Variants in SEMA3A observed in about 807,000 individuals in gnomAD.
SEMA3A encodes semaphorin 3A, also known as semaphorin-3A.
A neutral mutation model predicts 97.9 loss-of-function variants in SEMA3A; 29 were observed. The observed-to-expected ratio is 0.30, with a 90% CI of 0.22 to 0.40. The LOEUF (loss-of-function observed/expected upper bound fraction) is 0.40. Among genes scored for constraint, SEMA3A ranks in the 10% least tolerant of loss-of-function variants. The pLI is 1.00. For synonymous variants in SEMA3A, 321 were observed against 323.7 expected (o/e 0.99, Z 0.09); for missense variants, 763 against 951.3 (o/e 0.80, Z 2.60).
At chr7:84,283,300 C>T (rs777424459) in intron 3 of SEMA3A, among the ~76,000 whole-genome samples, 1 of 152,014 alleles carries the variant, frequency 6.6e-6, no homozygotes, top group Admixed American at 6.6e-5. Context: ...CATCAATACA[C>T]GCGTGTGTTA....
At chr7:84,005,243 G>A in intron 11 of SEMA3A, 96 bp downstream of exon 11, 1 of 861,436 alleles carries the variant, frequency 1.2e-6, no homozygotes, top group Non-Finnish European at 1.9e-6. Context: ...CTGCACAGAG[G>A]GTTGGCATCC....
chr7:84,086,666 T>C (rs1352805860), intron 4 of SEMA3A, among the ~76,000 whole-genome samples: 1 of 146,530 alleles, frequency 6.8e-6, no homozygotes, highest in Non-Finnish European at 1.5e-5. Context: ...ACAACTCATA[T>C]ATATGTATAT....
chr7:84,371,070 T>C (rs1802962951), intron 2 of SEMA3A, among the ~76,000 whole-genome samples: 1 of 151,718 alleles, frequency 6.6e-6, no homozygotes. Context: ...CATATATACA[T>C]GGATGTACAT....
intron 4 of SEMA3A, among the ~76,000 whole-genome samples, chr7:84,101,252 T>C (rs1794950729): frequency 6.7e-6 from 1 of 149,060 alleles, no homozygotes; most frequent in South Asian, 2.1e-4. Context: ...TATAAAAAGC[T>C]TTCATGAAAT....
chr7:84,294,267 C>T (rs1706462003), intron 3 of SEMA3A, among the ~76,000 whole-genome samples: 2 of 151,970 alleles, frequency 1.3e-5, no homozygotes, highest in Non-Finnish European at 2.9e-5. Context: ...TACTTCCTGG[C>T]ACCATAGGAA....
intron 1 of SEMA3A, among the ~76,000 whole-genome samples, chr7:84,155,017 C>G (rs1584050180): frequency 1.3e-5 from 2 of 152,222 alleles, no homozygotes; most frequent in East Asian, 1.9e-4. Flanking sequence ...ATGTCCACCT[C>G]TCTTTGAGAG....
chr7:84,218,797 T>C (rs1562857982), intron 3 of SEMA3A, among the ~76,000 whole-genome samples: 1 of 152,112 alleles, frequency 6.6e-6, no homozygotes, highest in Admixed American at 6.6e-5. Context: ...GACTCTACTC[T>C]GGGTGGTGAA....
intron 1 of SEMA3A, among the ~76,000 whole-genome samples, chr7:84,485,652 A>G (rs992270611): frequency 1.3e-5 from 2 of 152,090 alleles, no homozygotes; most frequent in Admixed American, 6.6e-5. Context: ...TGTGACTGCA[A>G]TTGTGATTTA....
At chr7:84,262,204 G>GGTTTTTT (rs1027216110) in intron 3 of SEMA3A, among the ~76,000 whole-genome samples, 6 of 151,766 alleles carry the variant, frequency 4.0e-5, no homozygotes, top group African/African-American at 1.5e-4. Context: ...CTATTTTCAA[G>GGTTTTTT]GTTTTTTGTT....
intron 1 of SEMA3A, among the ~76,000 whole-genome samples, chr7:84,398,552 A>T (rs1803803809): frequency 6.6e-6 from 1 of 152,110 alleles, no homozygotes; most frequent in Non-Finnish European, 1.5e-5. Context: ...GAGACCAGGA[A>T]TTTGACACTA....
intron 3 of SEMA3A, among the ~76,000 whole-genome samples, chr7:84,213,556 G>T (rs1798681465): frequency 6.6e-6 from 1 of 152,126 alleles, no homozygotes; most frequent in Non-Finnish European, 1.5e-5. Context: ...AAAGTGCTGG[G>T]ATTATAGGCA....
intron 3 of SEMA3A, among the ~76,000 whole-genome samples, chr7:84,285,067 T>A (rs916833230): frequency 3.9e-5 from 6 of 152,188 alleles, no homozygotes; most frequent in Non-Finnish European, 1.5e-5. Flanking sequence ...TTTTTGACAA[T>A]GTAACCAAAG....
In SEMA3A at chr7:84,352,041, G is replaced by GAA. The variant is rs35118818; in HGVS notation, c.-169+19781_-169+19782dup. 1.3e-3 allele frequency among the ~76,000 whole-genome samples: 178 copies of GAA among 134,916 alleles called. 2 individuals are homozygous for GAA. In the Middle Eastern group the frequency reaches 0.016, roughly 12 times the overall value. The allele number at this position is 134,916 out of a possible 152,430, so 88.5% of individuals were successfully genotyped here. The stretch of plus-strand genomic sequence containing the variant: ...TACACAATGTATTATGCAGCCATAA[G>GAA]AAAAAAAAAAAAAGGTGAGATCCTG... On this transcript the variant is annotated intron_variant, in intron 2 of 3. Coordinates refer to the SEMA3A transcript ENST00000424555.
At chr7:84,479,270 A>G (rs913251803) in intron 1 of SEMA3A, among the ~76,000 whole-genome samples, 4 of 152,190 alleles carry the variant, frequency 2.6e-5, no homozygotes, top group Non-Finnish European at 5.9e-5. Flanking sequence ...GTTAAGTGCT[A>G]TATTTACATA....
At chr7:84,379,036 T>C (rs1167162077) in intron 1 of SEMA3A, among the ~76,000 whole-genome samples, 1 of 152,096 alleles carries the variant, frequency 6.6e-6, no homozygotes, top group African/African-American at 2.4e-5. Context: ...CATGCCGTTC[T>C]CCTGCCTCAG....
chr7:84,425,131 A>C (rs1584315398), intron 1 of SEMA3A, among the ~76,000 whole-genome samples: 2 of 109,766 alleles, frequency 1.8e-5, no homozygotes. Context: ...AATTATTTAT[A>C]TATAAATATT....
At chr7:84,277,911 G>C (rs1487348479) in intron 3 of SEMA3A, among the ~76,000 whole-genome samples, 1 of 152,110 alleles carries the variant, frequency 6.6e-6, no homozygotes, top group Non-Finnish European at 1.5e-5. Flanking sequence ...GCAAGTGGTA[G>C]CTACACAGCC....
rs534747765 is a variant in SEMA3A at position 84,094,485 on chromosome 7, A to T, written c.453+15985T>A. Among the ~76,000 whole-genome samples the T allele has an allele frequency of 2.8e-4, 43 of 152,250 alleles. 1 individual carries two copies. In the South Asian group the frequency reaches 8.5e-3, roughly 30 times the overall value. ...GTTAAGGCTCCGCTGGCATTATTATATCTACTTGTATTCTAGAGCATTCAT... is the reference window on the plus strand; with the variant it reads ...GTTAAGGCTCCGCTGGCATTATTATTTCTACTTGTATTCTAGAGCATTCAT... On this transcript the variant is annotated intron_variant, in intron 4 of 16. Coordinates refer to ENST00000265362, the MANE Select transcript of SEMA3A (RefSeq NM_006080.3).
intron 4 of SEMA3A, among the ~76,000 whole-genome samples, chr7:84,063,800 A>C (rs1793358298): frequency 6.7e-6 from 1 of 149,672 alleles, no homozygotes; most frequent in Non-Finnish European, 1.5e-5. Context: ...TGATTGGTGT[A>C]CCTGAAAGTG....
Sources: allele counts gnomAD v4.1 joint callset (sites outside exome capture counted in the v4.1 genomes callset), GRCh38; gene constraint gnomAD v4.1.1; transcripts MANE v1.5; gene names NCBI Gene and HGNC (gene_info 2026-07-23, HGNC 2026-07-21).